HM13: variants seen among roughly 807,000 people sequenced by gnomAD.
The protein encoded by HM13 is histocompatibility minor 13.
Under a neutral mutation model 50.0 loss-of-function variants are expected in HM13, and 18 were observed. That is an observed-to-expected ratio of 0.36 (90% CI 0.25 to 0.53). The LOEUF is 0.53. Among genes scored for constraint, HM13 ranks in the 20% least tolerant of loss-of-function variants. The probability of loss-of-function intolerance (pLI) is 0.90; values close to 1 mark genes in which losing one functional copy is unlikely to be tolerated. For missense variants in HM13, 393 were observed against 552.4 expected, an observed-to-expected ratio of 0.71 and a Z score of 2.89; for synonymous variants, 197 against 232.6, an observed-to-expected ratio of 0.85 and a Z score of 1.39.
In HM13 at chr20:31,567,988, T is replaced by A. The variant is rs971014278; in HGVS notation, c.1035-90T>A. ...ATAGGTAAAAACAAGACAGTTCTGC[T>A]CTCTGCTCCTTGGAAAGGAAGTCTC... On this transcript the variant is annotated intron_variant, in intron 11 of 12. Coordinates refer to ENST00000398174, the MANE Select transcript of HM13 (RefSeq NM_178581.3). The A allele has an allele frequency of 5.2e-6, 6 of 1,154,362 alleles. No homozygotes were observed. In the Admixed American group the frequency reaches 8.1e-5, roughly 16 times the overall value. The allele number at this position is 1,154,362 out of a possible 1,614,324, so 71.5% of individuals were successfully genotyped here.
At chr20:31,532,666 AG>A (rs1982887929) in intron 2 of HM13, among the ~76,000 whole-genome samples, 1 of 152,140 alleles carries the variant, frequency 6.6e-6, no homozygotes. Flanking sequence ...TGTGTGTATG[AG>A]TGGGAATTGC....
intron 4 of HM13, chr20:31,547,693 G>A: frequency 3.7e-6 from 5 of 1,359,522 alleles, no homozygotes; most frequent in African/African-American, 2.9e-5. Context: ...AATCCTTACC[G>A]TAAGTGGGGA....
intron 2 of HM13, among the ~76,000 whole-genome samples, chr20:31,533,332 G>C (rs373913162): frequency 2.0e-5 from 3 of 152,152 alleles, no homozygotes; most frequent in African/African-American, 4.8e-5. Context: ...GTAAAACCCC[G>C]TCTCTACTAA....
chr20:31,515,854 C>G (rs1000862389), intron 1 of HM13, among the ~76,000 whole-genome samples: 1 of 152,206 alleles, frequency 6.6e-6, no homozygotes, highest in Non-Finnish European at 1.5e-5. Context: ...GCTCCTCCCC[C>G]ACCCAGACCT....
At chr20:31,566,567 T>C (rs1181196703) in intron 11 of HM13, among the ~76,000 whole-genome samples, 1 of 152,082 alleles carries the variant, frequency 6.6e-6, no homozygotes, top group Non-Finnish European at 1.5e-5. Flanking sequence ...GAATAGCTGT[T>C]GTGGATTTTT....
In HM13 at chr20:31,518,536, C is replaced by T. The variant is rs1247058021; in HGVS notation, c.183+3802C>T. 2.0e-5 allele frequency among the ~76,000 whole-genome samples: 3 copies of T among 151,518 alleles called. No homozygotes were observed. The East Asian group carries it at 5.9e-4, about 30-fold the overall frequency. Reference sequence around the variant, plus strand: ...TGGGGCACGCCTGTAATCCCAGCTACTCGGGAGGCTGAGGCACAAGAATCG... The same window carrying T: ...TGGGGCACGCCTGTAATCCCAGCTATTCGGGAGGCTGAGGCACAAGAATCG... On this transcript the variant is annotated intron_variant, in intron 1 of 12. Coordinates refer to ENST00000398174, the MANE Select transcript of HM13 (RefSeq NM_178581.3).
chr20:31,539,027 C>G (rs1039277170), intron 3 of HM13: 80 of 958,830 alleles, frequency 8.3e-5, no homozygotes, highest in Non-Finnish European at 9.6e-5. Flanking sequence ...GCAACAGAGC[C>G]AGGATTCAAA....
At chr20:31,553,059 A>C (rs1984113950) in intron 7 of HM13, among the ~76,000 whole-genome samples, 2 of 152,082 alleles carry the variant, frequency 1.3e-5, no homozygotes, top group African/African-American at 2.4e-5. Context: ...GCACTTTGGG[A>C]AGCTGAGGTG....
At chr20:31,532,128 G>A (rs73233631) in intron 2 of HM13, among the ~76,000 whole-genome samples, 2,483 of 151,370 alleles carry the variant, frequency 0.016, 77 homozygotes, top group African/African-American at 0.058. Context: ...TGGACCTCAG[G>A]TAAAGAGCTG....
intron 7 of HM13, among the ~76,000 whole-genome samples, chr20:31,551,197 C>T (rs1665284912): frequency 6.6e-6 from 1 of 152,068 alleles, no homozygotes; most frequent in Non-Finnish European, 1.5e-5. Context: ...TGTCTTTAAA[C>T]AAGGGGGAAA....
chr20:31,532,605 TC>T (rs1982885125), intron 2 of HM13, among the ~76,000 whole-genome samples: 1 of 152,158 alleles, frequency 6.6e-6, no homozygotes, highest in South Asian at 2.1e-4. Flanking sequence ...GCATTTGACT[TC>T]TGTCCTTAGA....
chr20:31,544,016 T>TCCATG (rs1869049650), intron 3 of HM13, among the ~76,000 whole-genome samples: 2 of 152,104 alleles, frequency 1.3e-5, no homozygotes, highest in African/African-American at 4.8e-5. Context: ...TGCTAAAGAC[T>TCCATG]CCATGCCAGG....
chr20:31,566,589 G>GT (rs1984929117), intron 11 of HM13, among the ~76,000 whole-genome samples: 1 of 152,102 alleles, frequency 6.6e-6, no homozygotes, highest in African/African-American at 2.4e-5. Context: ...TCTGCCTACT[G>GT]TCAGAAGTCC....
chr20:31,557,726 T>TTTC (rs1568797617), intron 8 of HM13, among the ~76,000 whole-genome samples: 10 of 150,246 alleles, frequency 6.7e-5, no homozygotes, highest in Non-Finnish European at 1.3e-4. Flanking sequence ...TTTTTTTTTT[T>TTTC]TGAGATGGAG....
chr20:31,527,220 C>G (rs1982539450), intron 1 of HM13, among the ~76,000 whole-genome samples: 1 of 152,142 alleles, frequency 6.6e-6, no homozygotes, highest in Non-Finnish European at 1.5e-5. Context: ...TGCCTATAGT[C>G]CCAGCTACTC....
intron 8 of HM13, among the ~76,000 whole-genome samples, chr20:31,557,534 G>A (rs949664982): frequency 3.3e-5 from 5 of 152,316 alleles, no homozygotes; most frequent in African/African-American, 9.6e-5. Context: ...GAGAACACTC[G>A]TAGAAATCAG....
intron 7 of HM13, among the ~76,000 whole-genome samples, chr20:31,551,318 T>G (rs1318688558): frequency 6.6e-6 from 1 of 152,076 alleles, no homozygotes; most frequent in Non-Finnish European, 1.5e-5. Flanking sequence ...CCCAGCATTC[T>G]CAGCATGTCC....
At chr20:31,518,856 C>CATAT (rs1360057606) in intron 1 of HM13, among the ~76,000 whole-genome samples, 1 of 151,154 alleles carries the variant, frequency 6.6e-6, no homozygotes, top group African/African-American at 2.4e-5. Flanking sequence ...AAAATATATA[C>CATAT]ATATATATAT....
At chr20:31,560,228 A>C (rs1984531116) in intron 9 of HM13, among the ~76,000 whole-genome samples, 1 of 152,204 alleles carries the variant, frequency 6.6e-6, no homozygotes, top group Non-Finnish European at 1.5e-5. Context: ...TATCCAAGTT[A>C]ATGCACCTAT....
Sources: allele counts gnomAD v4.1 joint callset (sites outside exome capture counted in the v4.1 genomes callset), GRCh38; gene constraint gnomAD v4.1.1; transcripts MANE v1.5; gene names NCBI Gene and HGNC (gene_info 2026-07-23, HGNC 2026-07-21).